RBPJL: variants seen among roughly 807,000 people sequenced by gnomAD.
RBPJL encodes the protein recombination signal binding protein for immunoglobulin kappa J region like.
A neutral mutation model predicts 57.6 loss-of-function variants in RBPJL; 50 were observed. That is an observed-to-expected ratio of 0.87 (90% CI 0.69 to 1.10). The LOEUF is 1.10. Ranked by LOEUF, RBPJL falls within the 50% of genes least tolerant of loss-of-function variation. The pLI is 0.00. For missense variants in RBPJL, 684 were observed against 693.7 expected, an observed-to-expected ratio of 0.99 and a Z score of 0.16; for synonymous variants, 303 against 294.4, an observed-to-expected ratio of 1.03 and a Z score of -0.30.
chr20:45,312,414 G>A lies in RBPJL; in HGVS notation c.619+19G>A. On this transcript the variant is annotated intron_variant, in intron 6 of 11. Transcript: ENST00000343694. ...ACCGATCGTGAGCAGGGCGGGGCCT[G>A]ACCCCCGGCCCGGGCGGGGAGGTGC... 1.2e-6 allele frequency: 2 copies of A among 1,606,066 alleles called. No individual in the cohort carries two copies. The highest frequency in any genetic ancestry group is 1.7e-6 in the Non-Finnish European group (2 of 1,176,084).
intron 6 of RBPJL, among the ~76,000 whole-genome samples, chr20:45,312,827 CAAAAAAAAAA>C (rs749039599): frequency 2.4e-5 from 2 of 84,820 alleles, no homozygotes; most frequent in African/African-American, 4.0e-5. Context: ...TTGTCTGTAC[CAAAAAAAAAA>C]AAAAAAAAAG....
chr20:45,313,752 C>T (rs952023581), intron 7 of RBPJL, 147 bp downstream of exon 7: 1 of 884,858 alleles, frequency 1.1e-6, no homozygotes, highest in Non-Finnish European at 1.7e-6. Flanking sequence ...TCCCAGTGAG[C>T]TGGTGACTGT....
At chr20:45,315,883 AAG>A (rs1987435820) in intron 9 of RBPJL, 1 of 320,210 alleles carries the variant, frequency 3.1e-6, no homozygotes, top group South Asian at 1.5e-4. Context: ...GAAGGAAAGA[AAG>A]AAAAAGAAAG....
Position 45,317,141 on chromosome 20 carries a change from A to T in RBPJL, c.*182A>T, listed in dbSNP as rs768389074. 7.5e-4 allele frequency: 496 copies of T among 660,960 alleles called. 2 individuals are homozygous for T. Among genetic ancestry groups the T allele is most frequent in the Non-Finnish European group, 3.7e-4 (146 of 393,070 alleles). The allele number at this position is 660,960 out of a possible 1,614,324, so 40.9% of individuals were successfully genotyped here. On this transcript the variant is annotated 3_prime_UTR_variant, in exon 12 of 12. Coordinates refer to ENST00000343694, the MANE Select transcript of RBPJL (RefSeq NM_014276.4). ...GGCTCACTCCCTCCCTTGTCCTTAC[A>T]CATACAGGAAGACAAGACCTGAGTG...
chr20:45,313,360 CACCCTAACCCTCACCCTA>C (rs1987288126), intron 6 of RBPJL, 90 bp from the exon 7 acceptor site: 1 of 824,614 alleles, frequency 1.2e-6, no homozygotes, highest in Non-Finnish European at 1.8e-6. Flanking sequence ...CCCTCACCCT[CACCCTAACCCTCACCCTA>C]ACCCTAACCC....
intron 7 of RBPJL, 42 bp downstream of exon 7, chr20:45,313,647 C>A: frequency 6.5e-7 from 1 of 1,533,406 alleles, no homozygotes. Context: ...ACTTCACATG[C>A]ATTAGCTTAT....
Position 45,316,574 on chromosome 20 carries a change from T to C in RBPJL, c.1274T>C (p.Met425Thr), listed in dbSNP as rs1344992697. The C allele has an allele frequency of 5.2e-6, 8 of 1,533,118 alleles. No homozygotes were observed. The highest frequency in any genetic ancestry group is 2.5e-5 in the East Asian group (1 of 40,710). The allele number at this position is 1,533,118 out of a possible 1,614,324, so 95.0% of individuals were successfully genotyped here. A position where few individuals can be genotyped will look rare whatever the true frequency, so the allele number is the denominator to read the frequency against. ...VWFGDVEAETMYRSPRSLVCV... is the reference protein window; with the variant it reads ...VWFGDVEAETTYRSPRSLVCV... ...TTTGGGGACGTGGAGGCAGAAACCA[T>C]GTACAGGTACGGGGTGGTGAGGCAG... The change falls in exon 11 of 12, where the codon ATG becomes ACG. Residue 425 changes from methionine (M) to threonine (T), a missense_variant. By Grantham distance (81) the Met-to-Thr change is moderately conservative. Transcript: ENST00000343694.
chr20:45,313,465 C>T lies in RBPJL; in HGVS notation c.620-3C>T. 1 of 1,609,808 alleles carries T rather than the reference C, an allele frequency of 6.2e-7. No individual in the cohort carries two copies. The highest frequency in any genetic ancestry group is 8.5e-7 in the Non-Finnish European group (1 of 1,177,766). ...ACCCTAACCCTGACCCTCACCCTCA[C>T]AGTGTGCATATCCTCCGGCTCAAAG... On this transcript the variant is annotated splice_polypyrimidine_tract_variant and splice_region_variant and intron_variant, in intron 6 of 11. Coordinates refer to ENST00000343694, the MANE Select transcript of RBPJL (RefSeq NM_014276.4).
chr20:45,307,190 T>G (rs1301491971), intron 1 of RBPJL, among the ~76,000 whole-genome samples: 1 of 152,132 alleles, frequency 6.6e-6, no homozygotes, highest in Non-Finnish European at 1.5e-5. Flanking sequence ...CGCCCCATGC[T>G]GAAGCTGTGT....
chr20:45,309,545 G>T (rs766669653), intron 2 of RBPJL, 22 bp from the exon 3 acceptor site: 5 of 1,589,584 alleles, frequency 3.1e-6, no homozygotes, highest in South Asian at 2.3e-5. Flanking sequence ...GTGGCTGGTC[G>T]ACCTGCCTGC....
rs1284438754 is a variant in RBPJL, at chr20:45,306,935, G to A, written c.13G>A (p.Gly5Arg). The A allele has an allele frequency of 3.2e-5, 40 of 1,255,912 alleles. No individual in the cohort carries two copies. Among genetic ancestry groups the A allele is most frequent in the Non-Finnish European group, 4.0e-5 (40 of 992,320 alleles). 77.8% of individuals were successfully genotyped at this position (1,255,912 alleles called of 1,614,324 possible). A position where few individuals can be genotyped will look rare whatever the true frequency, so the allele number is the denominator to read the frequency against. ...CCGTGGAGCCACCATGGACCCCGCA[G>A]GGGCAGCAGGTGAGCGCTTACCCTC... Reference protein sequence around the residue: MDPAGAADPSVPPNP... With the variant: MDPARAADPSVPPNP... The change falls in exon 1 of 12, where the codon GGG (glycine) becomes AGG (arginine). Residue 5 changes from glycine (G) to arginine (R), a missense_variant. Coordinates refer to ENST00000343694, the MANE Select transcript of RBPJL (RefSeq NM_014276.4).
Position 45,312,237 on chromosome 20 carries a change from A to G in RBPJL, c.461A>G (p.Lys154Arg), listed in dbSNP as rs749431563. The G allele has an allele frequency of 1.2e-6, 2 of 1,614,244 alleles. No homozygotes were observed. Among genetic ancestry groups the G allele is most frequent in the East Asian group, 2.2e-5 (1 of 44,886 alleles). Residue 154 changes from lysine (K) to arginine (R), a missense_variant, in exon 6 of 12, where the codon AAG becomes AGG. By Grantham distance (26) the Lys-to-Arg change is conservative. Coordinates refer to ENST00000343694, the MANE Select transcript of RBPJL (RefSeq NM_014276.4). ...GCCCCCTAGGAATTCGGCTGCGCCA[A>G]GACCCTGTACATCTCAGATGCAGAC... ...QPDSREFGCA[K>R]TLYISDADKR...
chr20:45,317,015 G>C lies in RBPJL; in HGVS notation c.*56G>C. The C allele has an allele frequency of 6.4e-7, 1 of 1,555,254 alleles. No homozygotes were observed. ...GGAGGGCTGCGCCCGCGCCAGGCGCGGGGACGTGTTTCTGGGTTCTAGGCC... is the reference window on the plus strand; with the variant it reads ...GGAGGGCTGCGCCCGCGCCAGGCGCCGGGACGTGTTTCTGGGTTCTAGGCC... On this transcript the variant is annotated 3_prime_UTR_variant, in exon 12 of 12. Coordinates refer to ENST00000343694, the MANE Select transcript of RBPJL (RefSeq NM_014276.4).
rs562112314 is a variant in RBPJL, at chr20:45,308,171, T to C, written c.51T>C (p.Thr17=). The change falls in exon 2 of 12, where the codon ACT becomes ACC. Residue 17 remains threonine, a synonymous_variant. Transcript: ENST00000343694. The part of the protein sequence containing the change: ...ADPSVPPNPL[T]HLSLQDRSEM... ...CCTCAGTGCCTCCCAATCCTTTGAC[T>C]CACCTGAGCCTGCAGGACAGATCAG... 4 of 1,613,886 alleles carry C rather than the reference T, an allele frequency of 2.5e-6. No homozygotes were observed. The highest frequency in any genetic ancestry group is 1.7e-4 in the Middle Eastern group (1 of 6,058).
At chr20:45,312,086 G>C in intron 5 of RBPJL, 132 bp downstream of exon 5, 1 of 1,491,464 alleles carries the variant, frequency 6.7e-7, no homozygotes, top group Non-Finnish European at 9.3e-7. Context: ...CCTGCCTTAA[G>C]GCCGAGCCTG....
At position 45,317,335 on chromosome 20, in the gene RBPJL, A is replaced by C; in HGVS notation, c.*376A>C. The C allele has an allele frequency of 4.4e-6, 1 of 227,238 alleles. No individual in the cohort carries two copies. Among genetic ancestry groups the C allele is most frequent in the Non-Finnish European group, 8.5e-6 (1 of 117,650 alleles). 14.1% of individuals were successfully genotyped at this position (227,238 alleles called of 1,614,324 possible). A position where few individuals can be genotyped will look rare whatever the true frequency, so the allele number is the denominator to read the frequency against. ...CTCTTCAGCTCTCCCTGCCTCTCAC[A>C]CACAATTTTACATGCCCCGAGGAGC... On this transcript the variant is annotated 3_prime_UTR_variant, in exon 12 of 12. Transcript: ENST00000343694.
In RBPJL at chr20:45,316,295, T is replaced by C. The variant is rs1156856845; in HGVS notation, c.1129T>C (p.Cys377Arg). 6.2e-7 allele frequency: 1 copy of C among 1,614,206 alleles called. No individual in the cohort carries two copies. The part of the protein sequence containing the change: ...VEFSFSTSLA[C>R]TLEPVTPVPL... ...ATTTTCCTTCAGCACCAGCCTGGCG[T>C]GTACCCTGGAGCCGGTCACTCCGGT... The change falls in exon 10 of 12, where the codon TGT (cysteine) becomes CGT (arginine). Residue 377 changes from cysteine (C) to arginine (R), a missense_variant. Coordinates refer to ENST00000343694, the MANE Select transcript of RBPJL (RefSeq NM_014276.4).
chr20:45,313,897 G>T (rs988432183), intron 7 of RBPJL, 138 bp from the exon 8 acceptor site: 1 of 730,688 alleles, frequency 1.4e-6, no homozygotes, highest in East Asian at 2.5e-5. Context: ...AGAACCTTCA[G>T]TTGGCTCCCC....
chr20:45,314,656 G>C lies in RBPJL; in HGVS notation c.1020+91G>C, dbSNP rs1415525881. 7 of 1,288,290 alleles carry C rather than the reference G, an allele frequency of 5.4e-6. No individual in the cohort carries two copies. The East Asian group carries it at 1.2e-4, about 21-fold the overall frequency. 79.8% of individuals were successfully genotyped at this position (1,288,290 alleles called of 1,614,324 possible). On this transcript the variant is annotated intron_variant, in intron 9 of 11. Coordinates refer to ENST00000343694, the MANE Select transcript of RBPJL (RefSeq NM_014276.4). ...TAAGATCATCACCCTCACCATGGTT[G>C]CTACTTCCTGAGCAGCCTCCCATGG...
Sources: allele counts gnomAD v4.1 joint callset (sites outside exome capture counted in the v4.1 genomes callset), GRCh38; gene constraint gnomAD v4.1.1; transcripts MANE v1.5; gene names NCBI Gene and HGNC (gene_info 2026-07-23, HGNC 2026-07-21).